TAF4: variants seen among roughly 807,000 people sequenced by gnomAD.
TAF4 encodes TATA-box binding protein associated factor 4.
TAF4 carries 9 observed loss-of-function variants against 90.3 expected under a neutral mutation model. That is an observed-to-expected ratio of 0.10 (90% CI 0.06 to 0.17). The LOEUF is 0.17. TAF4 is among the 10% of genes least tolerant of loss of function. The pLI, the probability that TAF4 is intolerant of heterozygous loss-of-function variation, is 1.00. For synonymous variants in TAF4, 818 were observed against 638.9 expected, an observed-to-expected ratio of 1.28 and a Z score of -4.23; for missense variants, 1,351 against 1,370.7, an observed-to-expected ratio of 0.99 and a Z score of 0.23.
At chr20:62,038,687 G>T (rs1402020674) in intron 1 of TAF4, among the ~76,000 whole-genome samples, 1 of 152,146 alleles carries the variant, frequency 6.6e-6, no homozygotes, top group African/African-American at 2.4e-5. Context: ...TCGTGAATCA[G>T]AACACTCGAT....
chr20:62,028,071 C>G (rs1170122713), intron 1 of TAF4, among the ~76,000 whole-genome samples: 1 of 152,218 alleles, frequency 6.6e-6, no homozygotes, highest in Non-Finnish European at 1.5e-5. Context: ...GGGTCCCACA[C>G]GTGCTCTGCT....
intron 8 of TAF4, 132 bp downstream of exon 8, chr20:62,003,599 A>C: frequency 9.8e-7 from 1 of 1,021,686 alleles, no homozygotes; most frequent in Non-Finnish European, 1.4e-6. Context: ...AATCAGTGCC[A>C]CTGAACTAGA....
chr20:62,000,329 C>G (rs1349806141), intron 10 of TAF4, 75 bp from the exon 11 acceptor site: 13 of 1,559,316 alleles, frequency 8.3e-6, no homozygotes, highest in Non-Finnish European at 1.1e-5. Flanking sequence ...ATCTCTGATC[C>G]AGCAGTTACT....
At position 62,010,018 on chromosome 20, in the gene TAF4, T is replaced by C; in HGVS notation, c.1761+28A>G. On this transcript the variant is annotated intron_variant, in intron 4 of 14. Coordinates refer to ENST00000252996, the MANE Select transcript of TAF4 (RefSeq NM_003185.4). This position sits in a 1 kb window ranked among gnomAD's most constrained non-coding sequence, Gnocchi z 4.5. ...CCTGCGCCACGGGCCTGACCGTCTT[T>C]GAAGGCACGGAAAGGAGTGGCTCTT... 1.2e-6 allele frequency: 2 copies of C among 1,611,680 alleles called. No homozygotes were observed. Among genetic ancestry groups the C allele is most frequent in the Non-Finnish European group, 1.7e-6 (2 of 1,179,770 alleles).
chr20:62,003,851 C>T lies in TAF4; in HGVS notation c.2251G>A (p.Ala751Thr), dbSNP rs1430467436. The T allele has an allele frequency of 6.3e-7, 1 of 1,584,474 alleles. No individual in the cohort carries two copies. The highest frequency in any genetic ancestry group is 1.1e-5 in the South Asian group (1 of 88,308). ...LVIQQPPKPG[A>T]LIRPPQVTLT... ...GTCACCTGCGGGGGCCGGATCAGGG[C>T]TCCTGGCTTCGGAGGCTGCTGGATG... The change falls in exon 8 of 15, where the codon GCC (alanine) becomes ACC (threonine). Residue 751 changes from alanine (A) to threonine (T), a missense_variant. By Grantham distance (58) the Ala-to-Thr change is moderately conservative. Around this residue, in one of 9 missense-constraint regions of TAF4, gnomAD observed 202 missense variants for 229.7 expected, o/e 0.88. Transcript: ENST00000252996.
At chr20:61,989,094 G>A (rs1040410673) in intron 14 of TAF4, among the ~76,000 whole-genome samples, 2 of 152,266 alleles carry the variant, frequency 1.3e-5, no homozygotes, top group African/African-American at 2.4e-5. Context: ...GCGGCTAAAC[G>A]GAAGCCCTGG....
At chr20:61,985,129 C>T (rs1041598675) in intron 14 of TAF4, among the ~76,000 whole-genome samples, 1 of 150,858 alleles carries the variant, frequency 6.6e-6, no homozygotes, top group Non-Finnish European at 1.5e-5. Context: ...GGCAACGCTC[C>T]ACCTCTCACA....
intron 1 of TAF4, among the ~76,000 whole-genome samples, chr20:62,059,680 G>C (rs141880577): frequency 2.6e-5 from 4 of 152,208 alleles, no homozygotes; most frequent in African/African-American, 9.7e-5. Flanking sequence ...TGCCTGAGCC[G>C]GGCACCACAG....
intron 1 of TAF4, among the ~76,000 whole-genome samples, chr20:62,046,481 C>A (rs1454152592): frequency 1.3e-5 from 2 of 152,230 alleles, no homozygotes; most frequent in Admixed American, 6.5e-5. Flanking sequence ...GCTTCTTGCA[C>A]CTGCTGGGGA....
At chr20:61,980,152 G>A in intron 14 of TAF4, 1 of 152,466 alleles carries the variant, frequency 6.6e-6, no homozygotes, top group Non-Finnish European at 1.5e-5. Flanking sequence ...GCTGCAGACA[G>A]CCCTCGCCCC....
chr20:62,056,130 G>C (rs367803557), intron 1 of TAF4, among the ~76,000 whole-genome samples: 7 of 152,280 alleles, frequency 4.6e-5, no homozygotes, highest in Admixed American at 1.3e-4. Context: ...CCAGCTGCTC[G>C]GGAGGCTGAG....
At chr20:62,035,584 C>A (rs6121877) in intron 1 of TAF4, among the ~76,000 whole-genome samples, 10,618 of 44,528 alleles carry the variant, frequency 0.24, 511 homozygotes, top group Non-Finnish European at 0.35. Flanking sequence ...TACTTAAAAG[C>A]AAAAGCAAAA....
intron 14 of TAF4, among the ~76,000 whole-genome samples, chr20:61,996,203 G>A (rs978449786): frequency 6.6e-6 from 1 of 152,094 alleles, no homozygotes; most frequent in Non-Finnish European, 1.5e-5. Flanking sequence ...GTGAGACCCT[G>A]TCTCTACGAA....
intron 3 of TAF4, among the ~76,000 whole-genome samples, chr20:62,011,076 C>G (rs1007555919): frequency 6.6e-6 from 1 of 152,164 alleles, no homozygotes; most frequent in Admixed American, 6.5e-5. Flanking sequence ...CCCGCCAGCA[C>G]GTGGGAAGCA....
rs1458629246 is a variant in TAF4, at chr20:62,009,194, T to C, written c.1762-20A>G. On this transcript the variant is annotated intron_variant, in intron 4 of 14. Coordinates refer to ENST00000252996, the MANE Select transcript of TAF4 (RefSeq NM_003185.4). ...AGTTTCCTGGATTAAAGTAAAAAGA[T>C]ATAAGTGAAAAATCTTAAAAGGCAG... is the stretch of plus-strand genomic sequence containing the variant. The C allele has an allele frequency of 6.3e-7, 1 of 1,589,952 alleles. No individual in the cohort carries two copies. Among genetic ancestry groups the C allele is most frequent in the East Asian group, 2.2e-5 (1 of 44,604 alleles).
At chr20:61,980,826 A>C (rs965767990) in intron 14 of TAF4, 1 of 152,364 alleles carries the variant, frequency 6.6e-6, no homozygotes, top group Non-Finnish European at 1.5e-5. Context: ...CTGACCCCCC[A>C]GTCTCTCCCC....
intron 1 of TAF4, among the ~76,000 whole-genome samples, chr20:62,038,171 G>A (rs113883111): frequency 0.047 from 7,223 of 152,134 alleles, 236 homozygotes; most frequent in Non-Finnish European, 0.07. Flanking sequence ...GGGACTACAG[G>A]AGCCCACCAC....
At chr20:62,013,906 G>GGGGTGT (rs1226544830) in intron 2 of TAF4, among the ~76,000 whole-genome samples, 15 of 107,406 alleles carry the variant, frequency 1.4e-4, no homozygotes, top group South Asian at 1.3e-3. Context: ...GGCTGACGCG[G>GGGGTGT]GTGTGTGTGT....
intron 1 of TAF4, among the ~76,000 whole-genome samples, chr20:62,041,331 C>T (rs920783490): frequency 1.7e-4 from 26 of 152,240 alleles, no homozygotes; most frequent in African/African-American, 5.5e-4. Context: ...AAAGGAGAGC[C>T]CCTACCCTCA....
Sources: allele counts gnomAD v4.1 joint callset (sites outside exome capture counted in the v4.1 genomes callset), GRCh38; gene constraint gnomAD v4.1.1; regional missense constraint gnomAD v4.1.1; non-coding constraint Gnocchi (gnomAD v3.1); transcripts MANE v1.5; gene names NCBI Gene and HGNC (gene_info 2026-07-23, HGNC 2026-07-21).